CD81: variants seen among roughly 807,000 people sequenced by gnomAD.
CD81 encodes CD81 molecule.
Under a neutral mutation model 30.1 loss-of-function variants are expected in CD81, and 10 were observed. The observed-to-expected ratio is 0.33, with a 90% CI of 0.21 to 0.56. The LOEUF is 0.56. CD81 is among the 20% of genes least tolerant of loss of function. The probability of loss-of-function intolerance (pLI) is 0.89; values close to 1 mark genes in which losing one functional copy is unlikely to be tolerated. For synonymous variants in CD81, 147 were observed against 126.4 expected (o/e 1.16, Z -1.10); for missense variants, 263 against 308.7 (o/e 0.85, Z 1.11).
At chr11:2,391,120 G>C (rs936353030) in intron 2 of CD81, 7 of 210,374 alleles carry the variant, frequency 3.3e-5, no homozygotes, top group Non-Finnish European at 6.8e-5. Flanking sequence ...AAGGCCAGGA[G>C]GAGGAGGAGG....
At chr11:2,379,591 C>A (rs1299685774) in intron 1 of CD81, among the ~76,000 whole-genome samples, 1 of 151,982 alleles carries the variant, frequency 6.6e-6, no homozygotes, top group Non-Finnish European at 1.5e-5. Context: ...ACTGGGTGAG[C>A]CCCTCCTGCC....
Position 2,395,061 on chromosome 11 carries a change from G to A in CD81, c.354+15G>A. On this transcript the variant is annotated intron_variant, in intron 4 of 7. Coordinates refer to ENST00000263645, the MANE Select transcript of CD81 (RefSeq NM_004356.4). ...ACAAGGACCAGGTGAGCCTGGGTGT[G>A]CAGGGACAGGGTGGGGTGGGTGACG... 1.9e-6 allele frequency: 3 copies of A among 1,607,594 alleles called. No homozygotes were observed. Among genetic ancestry groups the A allele is most frequent in the East Asian group, 2.2e-5 (1 of 44,870 alleles).
rs756453086 is a variant in CD81 at position 2,390,408 on chromosome 11, C to G, written c.67-4C>G. On this transcript the variant is annotated splice_polypyrimidine_tract_variant and splice_region_variant and intron_variant, in intron 1 of 7. Coordinates refer to ENST00000263645, the MANE Select transcript of CD81 (RefSeq NM_004356.4). ...CATGTGACACTGTTCCCGCTCTTTC[C>G]CAGCTGGCTGGAGGCGTGATCCTGG... 1 of 1,610,778 alleles carries G rather than the reference C, an allele frequency of 6.2e-7. No individual in the cohort carries two copies. The highest frequency in any genetic ancestry group is 8.5e-7 in the Non-Finnish European group (1 of 1,178,222).
chr11:2,383,954 T>C (rs1589846941), intron 1 of CD81, among the ~76,000 whole-genome samples: 1 of 152,052 alleles, frequency 6.6e-6, no homozygotes, highest in Admixed American at 6.5e-5. Context: ...GTCCGGGGCC[T>C]GCGGGGGCAG....
intron 1 of CD81, 117 bp from the exon 2 acceptor site, chr11:2,390,295 T>C (rs1589850752): frequency 2.4e-6 from 2 of 824,098 alleles, no homozygotes; most frequent in African/African-American, 1.7e-5. Context: ...AGCTGACACC[T>C]GGTCCCTGCT....
At position 2,387,459 on chromosome 11, in the gene CD81, G is replaced by A. The variant is rs904310138; in HGVS notation, c.67-2953G>A. Among the ~76,000 whole-genome samples, 5 of 152,210 alleles carry A rather than the reference G, an allele frequency of 3.3e-5. No homozygotes were observed. In the East Asian group the frequency reaches 5.8e-4, roughly 18 times the overall value. On this transcript the variant is annotated intron_variant, in intron 1 of 7. Coordinates refer to ENST00000263645, the MANE Select transcript of CD81 (RefSeq NM_004356.4). ...AGTTACCACGGCAACTCTCGGCCTC[G>A]CCACCTCCTCCCGCCAGGCTGCATC... is the stretch of plus-strand genomic sequence containing the variant.
chr11:2,386,779 C>A, intron 1 of CD81: 1 of 645,130 alleles, frequency 1.6e-6, no homozygotes, highest in Non-Finnish European at 2.9e-6. Flanking sequence ...GTCCCTCCCA[C>A]CCCCTCCTGG....
At chr11:2,385,853 C>CA (rs745467558) in intron 1 of CD81, 21 of 499,924 alleles carry the variant, frequency 4.2e-5, no homozygotes, top group African/African-American at 2.2e-4. Context: ...TTACAAGAAA[C>CA]GTGCTAGAAC....
Position 2,395,484 on chromosome 11 carries a change from C to T in CD81, c.423C>T (p.Asn141=). The change falls in exon 5 of 8, where the codon AAC becomes AAT. Residue 141 remains asparagine, a synonymous_variant. Coordinates refer to ENST00000263645, the MANE Select transcript of CD81 (RefSeq NM_004356.4). ...AGGCCGTGGTGGATGATGACGCCAACAACGCCAAGGCTGTGGTGAAGACCT... is the reference window on the plus strand; with the variant it reads ...AGGCCGTGGTGGATGATGACGCCAATAACGCCAAGGCTGTGGTGAAGACCT... ...LQQAVVDDDA[N]NAKAVVKTFH... is the part of the protein sequence containing the mutation. 1.9e-6 allele frequency: 3 copies of T among 1,612,740 alleles called. No homozygotes were observed. The East Asian group carries it at 6.7e-5, about 36-fold the overall frequency.
intron 1 of CD81, chr11:2,386,712 C>T (rs1319380649): frequency 5.7e-6 from 4 of 696,422 alleles, no homozygotes; most frequent in African/African-American, 1.8e-5. Flanking sequence ...CCGACTACTT[C>T]TGGTAGCCTC....
At chr11:2,386,111 C>T (rs562764919) in intron 1 of CD81, 5 of 717,390 alleles carry the variant, frequency 7.0e-6, no homozygotes, top group African/African-American at 3.5e-5. Context: ...TGGGTGCGCT[C>T]GGCATGTGGC....
intron 4 of CD81, 45 bp downstream of exon 4, chr11:2,395,091 C>A: frequency 6.6e-7 from 1 of 1,504,840 alleles, no homozygotes; most frequent in Non-Finnish European, 9.2e-7. Context: ...GTGACGGGGG[C>A]ACCCTCCTCT....
At chr11:2,379,652 C>T (rs949875772) in intron 1 of CD81, among the ~76,000 whole-genome samples, 2 of 152,012 alleles carry the variant, frequency 1.3e-5, no homozygotes, top group Non-Finnish European at 1.5e-5. Flanking sequence ...GTCGCCAGGG[C>T]GGGCCTGGAA....
intron 1 of CD81, chr11:2,379,315 G>A (rs550856078): frequency 5.5e-5 from 23 of 419,114 alleles, no homozygotes; most frequent in African/African-American, 4.0e-4. Flanking sequence ...TGTAGGCCTG[G>A]GGGTAGTAGG....
intron 1 of CD81, among the ~76,000 whole-genome samples, chr11:2,389,081 T>C (rs937385499): frequency 6.6e-6 from 1 of 152,114 alleles, no homozygotes; most frequent in African/African-American, 2.4e-5. Flanking sequence ...CCAGGGACCC[T>C]GGAACTGACC....
chr11:2,378,533 C>A lies in CD81; in HGVS notation c.66+918C>A, dbSNP rs771022102. Among the ~76,000 whole-genome samples, 1 of 152,208 alleles carries A rather than the reference C, an allele frequency of 6.6e-6. No homozygotes were observed. The highest frequency in any genetic ancestry group is 1.5e-5 in the Non-Finnish European group (1 of 68,032). On this transcript the variant is annotated intron_variant, in intron 1 of 7. Transcript: ENST00000263645. The surrounding 1 kb of genome is among the most constrained non-coding windows in gnomAD (Gnocchi z 4.9). ...TTGCTGAGAATGGCTTTCTCCTGAC[C>A]GCAGTCTTTGCTGCTGGGAAGTGAC... is the stretch of plus-strand genomic sequence containing the variant.
chr11:2,384,415 G>T (rs1589847296), intron 1 of CD81, among the ~76,000 whole-genome samples: 2 of 138,534 alleles, frequency 1.4e-5, no homozygotes, highest in East Asian at 2.2e-4. Context: ...GGACAGCTTG[G>T]GGGGTGGGGC....
intron 1 of CD81, among the ~76,000 whole-genome samples, chr11:2,389,616 C>T (rs1181082625): frequency 2.6e-5 from 4 of 152,142 alleles, no homozygotes; most frequent in South Asian, 2.1e-4. Flanking sequence ...GCCAGACTCC[C>T]AGCACAGCCT....
chr11:2,395,287 C>T, intron 4 of CD81, 129 bp from the exon 5 acceptor site: 1 of 803,518 alleles, frequency 1.2e-6, no homozygotes. Context: ...TCCTTGTCCT[C>T]TGGGGTCTAG....
Sources: gnomAD v4.1 joint callset for allele counts (sites outside exome capture counted in the v4.1 genomes callset) on GRCh38, gnomAD v4.1.1 for gene constraint, Gnocchi (gnomAD v3.1) non-coding constraint, MANE v1.5 for transcripts, NCBI Gene and HGNC (gene_info 2026-07-23, HGNC 2026-07-21) for gene names.